HAAO: variants seen among roughly 807,000 people sequenced by gnomAD.
The protein encoded by HAAO is 3-hydroxyanthranilate oxygenase.
A neutral mutation model predicts 46.2 loss-of-function variants in HAAO; 49 were observed. The ratio of observed to expected loss-of-function variants is 1.06; its 90% CI spans 0.84 to 1.34. The LOEUF (loss-of-function observed/expected upper bound fraction) is 1.34, where lower values mean the gene tolerates loss of function less well. Among genes scored for constraint, HAAO ranks in the 40% most tolerant of loss-of-function variants. HAAO has a pLI of 0.00. For missense variants in HAAO, 408 were observed against 364.5 expected (o/e 1.12, Z -0.97); for synonymous variants, 157 against 145.2 (o/e 1.08, Z -0.58).
chr2:42,791,046 T>G (rs780206374), intron 1 of HAAO, among the ~76,000 whole-genome samples: 23 of 152,002 alleles, frequency 1.5e-4, no homozygotes, highest in Non-Finnish European at 3.1e-4. Flanking sequence ...CCTGTAAAAT[T>G]TATATGTTGA....
chr2:42,788,969 G>C (rs931843619), intron 1 of HAAO: 1 of 296,996 alleles, frequency 3.4e-6, no homozygotes, highest in African/African-American at 2.2e-5. Context: ...CCCAGGATGG[G>C]GCAGTGTAGG....
intron 4 of HAAO, among the ~76,000 whole-genome samples, chr2:42,777,851 T>C (rs1342178629): frequency 6.6e-6 from 1 of 152,164 alleles, no homozygotes; most frequent in Admixed American, 6.5e-5. Context: ...TGAACCATTT[T>C]ATCTAATTTA....
At chr2:42,792,409 G>C (rs202183911) in intron 1 of HAAO, 48 bp downstream of exon 1, 2 of 1,068,460 alleles carry the variant, frequency 1.9e-6, no homozygotes, top group South Asian at 1.4e-5. Flanking sequence ...AGATGGAGGA[G>C]GGGGAGGAGG....
intron 4 of HAAO, among the ~76,000 whole-genome samples, chr2:42,775,038 G>A (rs1671436982): frequency 6.6e-6 from 1 of 152,116 alleles, no homozygotes; most frequent in African/African-American, 2.4e-5. Context: ...CATGAAGTCA[G>A]GAGTTCCAGA....
chr2:42,779,280 C>G (rs184942382), intron 4 of HAAO, among the ~76,000 whole-genome samples: 23 of 151,954 alleles, frequency 1.5e-4, no homozygotes, highest in Admixed American at 1.5e-3. Flanking sequence ...GAAATTATAT[C>G]TTATGGTCAA....
At chr2:42,770,651 C>T (rs1671045099) in intron 4 of HAAO, 69 bp from the exon 5 acceptor site, 2 of 961,704 alleles carry the variant, frequency 2.1e-6, no homozygotes, top group Non-Finnish European at 3.1e-6. Context: ...CCCACTCAGG[C>T]CTGGCTCTGC....
chr2:42,784,519 G>T (rs1373911539), intron 2 of HAAO, among the ~76,000 whole-genome samples: 4 of 101,322 alleles, frequency 3.9e-5, no homozygotes, highest in Non-Finnish European at 8.2e-5. Context: ...TCCTGGGGGT[G>T]GGGGGAGGTG....
At chr2:42,781,668 T>C (rs1672008820) in intron 4 of HAAO, among the ~76,000 whole-genome samples, 1 of 151,646 alleles carries the variant, frequency 6.6e-6, no homozygotes, top group African/African-American at 2.4e-5. Flanking sequence ...AGGTCAGGAG[T>C]TCGAGACTAG....
intron 4 of HAAO, among the ~76,000 whole-genome samples, chr2:42,774,171 G>A (rs1252245255): frequency 6.6e-6 from 1 of 152,134 alleles, no homozygotes; most frequent in Non-Finnish European, 1.5e-5. Context: ...ACTCTCTTGG[G>A]CACACGTCAA....
intron 4 of HAAO, among the ~76,000 whole-genome samples, chr2:42,780,472 C>T (rs1205529132): frequency 6.6e-6 from 1 of 151,718 alleles, no homozygotes; most frequent in Non-Finnish European, 1.5e-5. Flanking sequence ...TCCCAAAGTG[C>T]TGGGATTACA....
At chr2:42,770,379 T>TGGG in intron 5 of HAAO, 114 bp downstream of exon 5, 1 of 931,380 alleles carries the variant, frequency 1.1e-6, no homozygotes, top group South Asian at 1.6e-5. Context: ...GGCCTGGCAG[T>TGGG]GGGCTCTCTG....
intron 4 of HAAO, among the ~76,000 whole-genome samples, chr2:42,780,045 A>G (rs1195701039): frequency 6.6e-6 from 1 of 152,156 alleles, no homozygotes; most frequent in African/African-American, 2.4e-5. Flanking sequence ...TCATAATTAT[A>G]TTAAATTATT....
At chr2:42,770,373 T>C in intron 5 of HAAO, 120 bp downstream of exon 5, 1 of 911,952 alleles carries the variant, frequency 1.1e-6, no homozygotes, top group Non-Finnish European at 1.7e-6. Flanking sequence ...CCCCCCGGCC[T>C]GGCAGTGGGC....
At chr2:42,781,791 T>C (rs919043390) in intron 4 of HAAO, among the ~76,000 whole-genome samples, 1 of 152,120 alleles carries the variant, frequency 6.6e-6, no homozygotes, top group Non-Finnish European at 1.5e-5. Context: ...GGAGAATCAC[T>C]TGAACCCAGG....
chr2:42,771,498 GTTC>G (rs567514035), intron 4 of HAAO, among the ~76,000 whole-genome samples: 6 of 152,064 alleles, frequency 3.9e-5, no homozygotes, highest in Admixed American at 1.3e-4. Context: ...CAGTTTAGGG[GTTC>G]TTCTTCTTTC....
intron 4 of HAAO, among the ~76,000 whole-genome samples, chr2:42,771,803 T>C (rs1375634407): frequency 6.6e-6 from 1 of 152,272 alleles, no homozygotes; most frequent in Admixed American, 6.5e-5. Context: ...TTAAAAGAGA[T>C]GTGGTCCCGC....
intron 4 of HAAO, among the ~76,000 whole-genome samples, chr2:42,780,774 T>C (rs1330342196): frequency 6.6e-6 from 1 of 151,732 alleles, no homozygotes; most frequent in Non-Finnish European, 1.5e-5. Context: ...CTTTTAACAA[T>C]TTAATACTCC....
chr2:42,788,553 GT>G lies in HAAO; in HGVS notation c.134del (p.Asp45AlafsTer69), dbSNP rs1672558713. 1 of 1,607,286 alleles carries G rather than the reference GT, an allele frequency of 6.2e-7. No individual in the cohort carries two copies. Among genetic ancestry groups the G allele is most frequent in the Admixed American group, 1.7e-5 (1 of 60,000 alleles). On this transcript the variant is annotated frameshift_variant, in exon 2 of 10. Transcript: ENST00000294973. LOFTEE classifies it high-confidence loss of function. ...CCTCTTCACCCTCTTCGATGTGATA[GT>G]CCTTCCTGGTGTTGGGGCCTCCGAT... ...MFIGGPNTRK[D>X]YHIEEGEEVF...
chr2:42,770,641 C>G, intron 4 of HAAO, 59 bp from the exon 5 acceptor site: 2 of 1,067,190 alleles, frequency 1.9e-6, no homozygotes, highest in Non-Finnish European at 2.7e-6. Context: ...TCAGGGCAGC[C>G]CCACTCAGGC....
Sources: gnomAD v4.1 joint callset for allele counts (sites outside exome capture counted in the v4.1 genomes callset) on GRCh38, gnomAD v4.1.1 for gene constraint, MANE v1.5 for transcripts, NCBI Gene and HGNC (gene_info 2026-07-23, HGNC 2026-07-21) for gene names.